BPIFC: variants seen among roughly 807,000 people sequenced by gnomAD.
BPIFC encodes the protein BPI fold containing family C, also known as BPI fold-containing family C protein.
Under a neutral mutation model 57.6 loss-of-function variants are expected in BPIFC, and 60 were observed. The ratio of observed to expected loss-of-function variants is 1.04; its 90% confidence interval spans 0.85 to 1.29. The LOEUF (loss-of-function observed/expected upper bound fraction) is 1.29, where lower values mean the gene tolerates loss of function less well. Among genes scored for constraint, BPIFC ranks in the 50% most tolerant of loss-of-function variants. BPIFC has a pLI of 0.00. For missense variants in BPIFC, 581 were observed against 600.5 expected (o/e 0.97, Z 0.34); for synonymous variants, 243 against 224.5 (o/e 1.08, Z -0.74).
intron 13 of BPIFC, among the ~76,000 whole-genome samples, chr22:32,419,667 A>G (rs1179991765): frequency 1.3e-5 from 2 of 152,002 alleles, no homozygotes; most frequent in African/African-American, 4.8e-5. Context: ...TTAGCCAGGC[A>G]TGGTGACATG....
intron 5 of BPIFC, 94 bp from the exon 6 acceptor site, chr22:32,446,090 T>C (rs1183527051): frequency 7.0e-7 from 1 of 1,434,310 alleles, no homozygotes; most frequent in Non-Finnish European, 9.4e-7. Flanking sequence ...GCTCCTGGAC[T>C]GCAGTGACTT....
chr22:32,462,596 T>C (rs1021556705), intron 1 of BPIFC, among the ~76,000 whole-genome samples: 4 of 152,218 alleles, frequency 2.6e-5, no homozygotes, highest in Admixed American at 6.5e-5. Context: ...TGGATGTTCT[T>C]ATTATCTTAC....
At chr22:32,431,807 G>T (rs1162235160) in intron 12 of BPIFC, among the ~76,000 whole-genome samples, 1 of 152,122 alleles carries the variant, frequency 6.6e-6, no homozygotes, top group Non-Finnish European at 1.5e-5. Flanking sequence ...AAAAAAGAGA[G>T]AATTCCAGCT....
At chr22:32,446,487 G>C (rs1484341559) in intron 5 of BPIFC, among the ~76,000 whole-genome samples, 1 of 152,212 alleles carries the variant, frequency 6.6e-6, no homozygotes, top group African/African-American at 2.4e-5. Context: ...TGGTTGATGA[G>C]TCATTGAATA....
chr22:32,428,272 C>A (rs543297788), intron 13 of BPIFC, among the ~76,000 whole-genome samples: 2 of 139,152 alleles, frequency 1.4e-5, no homozygotes, highest in African/African-American at 2.9e-5. Context: ...TGTGTGTGCG[C>A]GCGCGTGTGT....
At chr22:32,438,044 A>T (rs7285918) in intron 8 of BPIFC, among the ~76,000 whole-genome samples, 193 bp from the exon 9 acceptor site, 4,514 of 152,162 alleles carry the variant, frequency 0.03, 107 homozygotes, top group Middle Eastern at 0.061. Flanking sequence ...GAAAGTGAAC[A>T]TTTTTTCCAA....
chr22:32,422,040 G>A (rs1043793071), intron 13 of BPIFC, among the ~76,000 whole-genome samples: 3 of 152,166 alleles, frequency 2.0e-5, no homozygotes, highest in African/African-American at 7.2e-5. Flanking sequence ...AGCTGGGAGA[G>A]CACAGCAGGG....
intron 2 of BPIFC, among the ~76,000 whole-genome samples, chr22:32,457,785 C>T (rs555809469): frequency 6.6e-6 from 1 of 152,310 alleles, no homozygotes; most frequent in South Asian, 2.1e-4. Flanking sequence ...AAACTTCCCT[C>T]ACCAAGTCAT....
intron 4 of BPIFC, among the ~76,000 whole-genome samples, chr22:32,448,767 G>A (rs907721508): frequency 1.4e-4 from 21 of 152,052 alleles, no homozygotes; most frequent in African/African-American, 4.8e-4. Context: ...GTGAAACCCC[G>A]TGTCTACTAA....
At chr22:32,447,041 C>G (rs1037745651) in intron 5 of BPIFC, among the ~76,000 whole-genome samples, 171 bp downstream of exon 5, 4 of 152,136 alleles carry the variant, frequency 2.6e-5, no homozygotes, top group African/African-American at 9.7e-5. Flanking sequence ...ATCAAAACCC[C>G]CCAGTAGGAT....
chr22:32,421,049 G>C (rs560623798), intron 13 of BPIFC, among the ~76,000 whole-genome samples: 1 of 152,248 alleles, frequency 6.6e-6, no homozygotes, highest in East Asian at 1.9e-4. Flanking sequence ...TATCAACAGA[G>C]CACTTGCTGT....
intron 5 of BPIFC, among the ~76,000 whole-genome samples, chr22:32,446,365 G>C (rs1416970500): frequency 6.6e-6 from 1 of 152,208 alleles, no homozygotes; most frequent in Non-Finnish European, 1.5e-5. Flanking sequence ...AGATGAAAAA[G>C]TGATGCTTAG....
At chr22:32,420,483 T>A (rs1432726052) in intron 13 of BPIFC, among the ~76,000 whole-genome samples, 1 of 152,210 alleles carries the variant, frequency 6.6e-6, no homozygotes, top group Non-Finnish European at 1.5e-5. Context: ...TTTTTTTAGC[T>A]GTTCAATCGT....
intron 13 of BPIFC, among the ~76,000 whole-genome samples, chr22:32,428,083 G>T (rs1458364785): frequency 6.6e-6 from 1 of 151,892 alleles, no homozygotes; most frequent in South Asian, 2.1e-4. Flanking sequence ...CTGGAAATGG[G>T]GTCACCTCAT....
rs1556036707 is a variant in BPIFC, at chr22:32,424,753, C to CTCTTCTTCTTCTTCTTCTTCTTCT, written c.1218-5373_1218-5350dup. Among the ~76,000 whole-genome samples the CTCTTCTTCTTCTTCTTCTTCTTCT allele has an allele frequency of 2.5e-4, 9 of 35,490 alleles. 2 individuals carry two copies. The highest frequency in any genetic ancestry group is 1.8e-3 in the African/African-American group (9 of 4,892). The allele number at this position is 35,490 out of a possible 152,430, so 23.3% of individuals were successfully genotyped here. On this transcript the variant is annotated intron_variant, in intron 13 of 16. Transcript: ENST00000300399. ...CCTCTTCTTCTTCCTCTTCTTCTTC[C>CTCTTCTTCTTCTTCTTCTTCTTCT]TCTTCTTCTTCTTCTTCTTCTTCTT...
intron 3 of BPIFC, among the ~76,000 whole-genome samples, chr22:32,454,228 C>G (rs1198685147): frequency 6.6e-6 from 1 of 152,144 alleles, no homozygotes; most frequent in Admixed American, 6.5e-5. Flanking sequence ...AAGGTTATTC[C>G]ACACTCTTTT....
chr22:32,432,830 T>C (rs1273618800), intron 11 of BPIFC, among the ~76,000 whole-genome samples: 3 of 152,164 alleles, frequency 2.0e-5, no homozygotes, highest in African/African-American at 4.8e-5. Context: ...CCCTGTTTCA[T>C]AGTGGAGAAC....
At chr22:32,422,169 C>T (rs1474849334) in intron 13 of BPIFC, among the ~76,000 whole-genome samples, 1 of 152,152 alleles carries the variant, frequency 6.6e-6, no homozygotes, top group African/African-American at 2.4e-5. Flanking sequence ...GAGATGATGT[C>T]TGTGTTTTAT....
At chr22:32,461,834 G>C (rs8141337) in intron 1 of BPIFC, among the ~76,000 whole-genome samples, 173 bp from the exon 2 acceptor site, 20,023 of 152,222 alleles carry the variant, frequency 0.13, 1,601 homozygotes, top group Middle Eastern at 0.23. Flanking sequence ...AATTGTAAAT[G>C]GATGTGTTAT....
Sources: gnomAD v4.1 joint callset for allele counts (sites outside exome capture counted in the v4.1 genomes callset) on GRCh38, gnomAD v4.1.1 for gene constraint, MANE v1.5 for transcripts, NCBI Gene and HGNC (gene_info 2026-07-23, HGNC 2026-07-21) for gene names.